Variants in ZFHX3 observed in about 807,000 individuals in gnomAD.
ZFHX3 encodes zinc finger homeobox 3, also known as zinc finger homeobox protein 3.
ZFHX3 carries 42 observed loss-of-function variants against 279.1 expected under a neutral mutation model. The ratio of observed to expected loss-of-function variants is 0.15; its 90% confidence interval spans 0.12 to 0.19. ZFHX3 has a LOEUF of 0.19. Ranked by LOEUF, ZFHX3 falls within the 10% of genes least tolerant of loss-of-function variation. The pLI is 1.00. For synonymous variants in ZFHX3, 2,293 were observed against 1,957.8 expected (o/e 1.17, Z -4.52); for missense variants, 4,981 against 4,754.0 (o/e 1.05, Z -1.40).
intron 5 of ZFHX3, among the ~76,000 whole-genome samples, chr16:73,247,415 G>C (rs1384559285): frequency 6.6e-6 from 1 of 152,128 alleles, no homozygotes; most frequent in Non-Finnish European, 1.5e-5. Context: ...TATATAATGT[G>C]TCTGTATGTC....
At chr16:72,882,728 G>A (rs1011991826) in intron 4 of ZFHX3, among the ~76,000 whole-genome samples, 14 of 152,126 alleles carry the variant, frequency 9.2e-5, no homozygotes, top group African/African-American at 3.4e-4. Context: ...TTTGCAGAGA[G>A]CAAGCAGAAA....
At chr16:72,846,522 G>A (rs561748122) in intron 4 of ZFHX3, among the ~76,000 whole-genome samples, 1 of 152,354 alleles carries the variant, frequency 6.6e-6, no homozygotes, top group South Asian at 2.1e-4. Context: ...AGAACAAGGT[G>A]CTCCTCCAGC....
chr16:73,623,626 G>A (rs1271661553), intron 2 of ZFHX3, among the ~76,000 whole-genome samples: 3 of 152,122 alleles, frequency 2.0e-5, no homozygotes, highest in East Asian at 1.9e-4. Context: ...CACCTCCAGG[G>A]TTTACATCAA....
chr16:72,831,623 G>C (rs2037061490), intron 4 of ZFHX3, among the ~76,000 whole-genome samples: 1 of 152,142 alleles, frequency 6.6e-6, no homozygotes, highest in African/African-American at 2.4e-5. Flanking sequence ...CGTGACACAG[G>C]AACTATCTTC....
At chr16:73,376,976 T>C (rs2016733942) in intron 3 of ZFHX3, among the ~76,000 whole-genome samples, 1 of 149,156 alleles carries the variant, frequency 6.7e-6, no homozygotes, top group African/African-American at 2.5e-5. Flanking sequence ...CATGACTGCT[T>C]TTTTTTTTTT....
intron 1 of ZFHX3, among the ~76,000 whole-genome samples, chr16:73,691,554 A>G (rs763920195): frequency 7.9e-5 from 12 of 152,208 alleles, no homozygotes; most frequent in Non-Finnish European, 1.8e-4. Flanking sequence ...AACAGCTAAC[A>G]TTTATTGTTT....
intron 3 of ZFHX3, among the ~76,000 whole-genome samples, chr16:73,425,258 G>T (rs967529272): frequency 2.0e-5 from 3 of 152,212 alleles, no homozygotes; most frequent in Non-Finnish European, 4.4e-5. Context: ...TCTCTCCCCA[G>T]TCTTGTGCCT....
chr16:73,188,292 T>A (rs1967959534), intron 5 of ZFHX3, among the ~76,000 whole-genome samples: 1 of 152,024 alleles, frequency 6.6e-6, no homozygotes, highest in Non-Finnish European at 1.5e-5. Flanking sequence ...ACTCCTGGGC[T>A]GCAGCGATCC....
chr16:73,598,673 G>A (rs2036743576), intron 2 of ZFHX3, among the ~76,000 whole-genome samples: 1 of 152,002 alleles, frequency 6.6e-6, no homozygotes, highest in African/African-American at 2.4e-5. Context: ...TCCCATCTCA[G>A]ACACCAAATG....
At chr16:73,545,146 C>T (rs143981015) in intron 2 of ZFHX3, among the ~76,000 whole-genome samples, 3,215 of 150,812 alleles carry the variant, frequency 0.021, 39 homozygotes, top group African/African-American at 0.026. Flanking sequence ...GAGTCACTTC[C>T]CCCCGACCCC....
At position 72,842,187 on chromosome 16, in the gene ZFHX3, A is replaced by T. The variant is rs182192596; in HGVS notation, c.3449-12328T>A. Among the ~76,000 whole-genome samples the T allele has an allele frequency of 2.0e-5, 3 of 152,262 alleles. No homozygotes were observed. In the East Asian group the frequency reaches 5.8e-4, roughly 29 times the overall value. ...TTACTTCAGACGTCCCCAAACTTTC[A>T]TAAGTGAGCAACTTGTTTTTTTGTT... On this transcript the variant is annotated intron_variant, in intron 4 of 9. Transcript: ENST00000268489.
In ZFHX3 at chr16:72,787,023, GCTTTTT is replaced by G. The variant is rs2035409078; in HGVS notation, c.*135_*140del. 2 of 980,310 alleles carry G rather than the reference GCTTTTT, an allele frequency of 2.0e-6. No individual in the cohort carries two copies. Among genetic ancestry groups the G allele is most frequent in the Non-Finnish European group, 2.6e-6 (2 of 755,120 alleles). 60.7% of individuals were successfully genotyped at this position (980,310 alleles called of 1,614,324 possible). Reference sequence around the variant, plus strand: ...ATAGGTATATGGGAAAACAACCCACGCTTTTTCTTTTTTTTCTTTTTTTTTTTTTTT... The same window carrying G: ...ATAGGTATATGGGAAAACAACCCACGCTTTTTTTTCTTTTTTTTTTTTTTT... On this transcript the variant is annotated 3_prime_UTR_variant, in exon 10 of 10. Transcript: ENST00000268489.
intron 2 of ZFHX3, among the ~76,000 whole-genome samples, chr16:73,515,004 A>G (rs1394909027): frequency 1.3e-5 from 2 of 152,216 alleles, no homozygotes; most frequent in Admixed American, 6.5e-5. Flanking sequence ...CTCATGAAAC[A>G]AAAGGACTTA....
In ZFHX3 at chr16:73,520,524, G is replaced by C. The variant is rs550049389; in HGVS notation, c.-1546-64266C>G. On this transcript the variant is annotated intron_variant, in intron 2 of 17. Transcript: ENST00000641206. Reference sequence around the variant, plus strand: ...TATAAATGTTGGGCTTCTTTCAATGGGCTTAGAGGAACAGCTGATGCACCT... The same window carrying C: ...TATAAATGTTGGGCTTCTTTCAATGCGCTTAGAGGAACAGCTGATGCACCT... Among the ~76,000 whole-genome samples the C allele has an allele frequency of 3.3e-5, 5 of 152,136 alleles. No homozygotes were observed. The East Asian group carries it at 9.6e-4, about 29-fold the overall frequency.
chr16:73,859,625 C>T (rs542103235), intron 1 of ZFHX3, among the ~76,000 whole-genome samples: 1 of 152,058 alleles, frequency 6.6e-6, no homozygotes, highest in Non-Finnish European at 1.5e-5. Flanking sequence ...CAAGATAATA[C>T]CTGGGAATTA....
chr16:73,323,847 A>G (rs2015628446), intron 3 of ZFHX3, among the ~76,000 whole-genome samples: 1 of 152,214 alleles, frequency 6.6e-6, no homozygotes, highest in Non-Finnish European at 1.5e-5. Context: ...CCTTCATCTC[A>G]TAAAGGATGA....
At chr16:73,594,039 C>A (rs2052024903) in intron 2 of ZFHX3, among the ~76,000 whole-genome samples, 1 of 152,056 alleles carries the variant, frequency 6.6e-6, no homozygotes, top group Admixed American at 6.6e-5. Context: ...GTCACAGCCA[C>A]TGCAAGAAGC....
intron 7 of ZFHX3, among the ~76,000 whole-genome samples, chr16:73,109,757 G>C (rs913151349): frequency 2.0e-5 from 3 of 152,094 alleles, no homozygotes; most frequent in Non-Finnish European, 2.9e-5. Flanking sequence ...GCTGAGGCAC[G>C]AGAGTCACTT....
intron 1 of ZFHX3, among the ~76,000 whole-genome samples, chr16:73,031,611 C>T (rs545272202): frequency 1.2e-4 from 19 of 152,304 alleles, no homozygotes; most frequent in African/African-American, 3.8e-4. Flanking sequence ...AAAACAATAA[C>T]TCACTAATGA....
Sources: allele counts gnomAD v4.1 joint callset (sites outside exome capture counted in the v4.1 genomes callset), GRCh38; gene constraint gnomAD v4.1.1; transcripts MANE v1.5; gene names NCBI Gene and HGNC (gene_info 2026-07-23, HGNC 2026-07-21).